NXPE4: variants seen among roughly 807,000 people sequenced by gnomAD.
NXPE4 encodes the protein neurexophilin and PC-esterase domain family member 4.
A neutral mutation model predicts 33.3 loss-of-function variants in NXPE4; 42 were observed. The observed-to-expected ratio is 1.26, with a 90% confidence interval of 0.98 to 1.63. The LOEUF is 1.63. Ranked by LOEUF, NXPE4 falls within the 40% of genes most tolerant of loss-of-function variation. NXPE4 has a pLI of 0.00. For missense variants in NXPE4, 709 were observed against 647.6 expected (o/e 1.09, Z -1.03); for synonymous variants, 253 against 234.9 (o/e 1.08, Z -0.71).
chr11:114,629,369 C>A, the NXPE4 span, among the ~76,000 whole-genome samples: 1 of 151,936 alleles, frequency 6.6e-6, no homozygotes, highest in South Asian at 2.1e-4. Context: ...GTTCAATATA[C>A]ACAAATCAAT....
the NXPE4 span, among the ~76,000 whole-genome samples, chr11:114,664,864 T>A: frequency 6.6e-6 from 1 of 152,170 alleles, no homozygotes; most frequent in East Asian, 1.9e-4. Context: ...TACTCTACAG[T>A]GTACTACTGG....
chr11:114,579,721 C>T (rs934922283), intron 5 of NXPE4, among the ~76,000 whole-genome samples: 1 of 152,176 alleles, frequency 6.6e-6, no homozygotes, highest in African/African-American at 2.4e-5. Context: ...GGTTATGTAA[C>T]TTGTTCAAAG....
At chr11:114,611,059 G>T in the NXPE4 span, among the ~76,000 whole-genome samples, 1 of 151,680 alleles carries the variant, frequency 6.6e-6, no homozygotes, top group Non-Finnish European at 1.5e-5. Flanking sequence ...GTTGCGTCAT[G>T]GGTAACCACT....
chr11:114,657,218 T>A, the NXPE4 span, among the ~76,000 whole-genome samples: 2 of 152,194 alleles, frequency 1.3e-5, no homozygotes, highest in Non-Finnish European at 2.9e-5. Flanking sequence ...TCTCTGTCTT[T>A]CCTACCTCTA....
the NXPE4 span, among the ~76,000 whole-genome samples, chr11:114,629,287 C>A: frequency 2.0e-5 from 3 of 152,074 alleles, no homozygotes; most frequent in East Asian, 5.8e-4. Flanking sequence ...TACTGGCAAA[C>A]GGAATCCAGC....
chr11:114,606,121 A>G, the NXPE4 span, among the ~76,000 whole-genome samples: 1 of 151,842 alleles, frequency 6.6e-6, no homozygotes, highest in Non-Finnish European at 1.5e-5. Context: ...CTGGTGGATA[A>G]TAAGTATTGT....
chr11:114,642,479 T>A, the NXPE4 span, among the ~76,000 whole-genome samples: 1 of 151,912 alleles, frequency 6.6e-6, no homozygotes, highest in Non-Finnish European at 1.5e-5. Flanking sequence ...TGTGTCCATG[T>A]GTTCTCATTG....
the NXPE4 span, among the ~76,000 whole-genome samples, chr11:114,654,162 A>T: frequency 7.9e-5 from 12 of 152,220 alleles, no homozygotes; most frequent in Admixed American, 7.9e-4. Flanking sequence ...TCAGCCTGGC[A>T]TTGAAGTCTC....
At chr11:114,573,249 C>A (rs1437586332) in intron 5 of NXPE4, among the ~76,000 whole-genome samples, 1 of 152,056 alleles carries the variant, frequency 6.6e-6, no homozygotes, top group Non-Finnish European at 1.5e-5. Context: ...CAAAATAGAA[C>A]CTCCTTAAAG....
At chr11:114,602,202 T>G in the NXPE4 span, among the ~76,000 whole-genome samples, 1 of 108,716 alleles carries the variant, frequency 9.2e-6, no homozygotes, top group African/African-American at 3.7e-5. Context: ...TAATATATAA[T>G]ACTATATACA....
chr11:114,664,146 C>T, the NXPE4 span, among the ~76,000 whole-genome samples: 1 of 152,168 alleles, frequency 6.6e-6, no homozygotes, highest in Non-Finnish European at 1.5e-5. Context: ...ACTAATTAAA[C>T]AAGCTGGGAT....
chr11:114,661,690 A>G, the NXPE4 span, among the ~76,000 whole-genome samples: 2 of 152,214 alleles, frequency 1.3e-5, no homozygotes, highest in Non-Finnish European at 2.9e-5. Context: ...CAAGAAACGC[A>G]AGCAAGAGGG....
the NXPE4 span, among the ~76,000 whole-genome samples, chr11:114,649,131 G>GTT: frequency 2.4e-4 from 35 of 145,182 alleles, no homozygotes; most frequent in Admixed American, 4.8e-4. Flanking sequence ...AGCTTGTCAT[G>GTT]TTTTTTTTTT....
At chr11:114,670,211 G>A in the NXPE4 span, among the ~76,000 whole-genome samples, 1,957 of 151,968 alleles carry the variant, frequency 0.013, 30 homozygotes, top group African/African-American at 0.045. Context: ...TATCCATTAG[G>A]TATGATAACA....
chr11:114,601,913 A>ATATATATTATAT, the NXPE4 span, among the ~76,000 whole-genome samples: 1 of 39,114 alleles, frequency 2.6e-5, no homozygotes, highest in Admixed American at 5.1e-4. Flanking sequence ...ATATTATATA[A>ATATATATTATAT]TTATATATAA....
At chr11:114,642,806 AT>A in the NXPE4 span, among the ~76,000 whole-genome samples, 4 of 152,052 alleles carry the variant, frequency 2.6e-5, no homozygotes, top group Non-Finnish European at 5.9e-5. Flanking sequence ...GTCAAATGGC[AT>A]TTCTAGTTCT....
the NXPE4 span, among the ~76,000 whole-genome samples, chr11:114,635,341 T>C: frequency 6.6e-6 from 1 of 150,434 alleles, no homozygotes; most frequent in African/African-American, 2.5e-5. Context: ...CTGAAGTTGC[T>C]TATCAGCTTG....
the NXPE4 span, among the ~76,000 whole-genome samples, chr11:114,652,328 T>C: frequency 6.6e-6 from 1 of 152,210 alleles, no homozygotes; most frequent in African/African-American, 2.4e-5. Context: ...TTGGAAAGGC[T>C]TCAGAGCACC....
chr11:114,638,292 C>T, the NXPE4 span, among the ~76,000 whole-genome samples: 1,349 of 152,094 alleles, frequency 8.9e-3, 22 homozygotes, highest in African/African-American at 0.031. Context: ...ATGTAGTTCT[C>T]GAGCCTTGGT....
Sources: gnomAD v4.1 joint callset for allele counts (sites outside exome capture counted in the v4.1 genomes callset) on GRCh38, gnomAD v4.1.1 for gene constraint, MANE v1.5 for transcripts, NCBI Gene and HGNC (gene_info 2026-07-23, HGNC 2026-07-21) for gene names.